MIA3: variants seen among roughly 807,000 people sequenced by gnomAD.
MIA3 encodes the protein MIA SH3 domain ER export factor 3.
In MIA3, 90 loss-of-function variants were observed where a neutral mutation model predicts 192.4. The observed-to-expected ratio is 0.47, with a 90% CI of 0.39 to 0.56. The LOEUF (loss-of-function observed/expected upper bound fraction) is 0.56, where lower values mean the gene tolerates loss of function less well. Among genes scored for constraint, MIA3 ranks in the 20% least tolerant of loss-of-function variants. The pLI, the probability that MIA3 is intolerant of heterozygous loss-of-function variation, is 0.00. For synonymous variants in MIA3, 740 were observed against 792.8 expected, an observed-to-expected ratio of 0.93 and a Z score of 1.12; for missense variants, 2,123 against 2,269.4, an observed-to-expected ratio of 0.94 and a Z score of 1.31.
At chr1:222,621,075 C>T in intron 1 of MIA3, 84 bp from the exon 2 acceptor site, 1 of 1,200,624 alleles carries the variant, frequency 8.3e-7, no homozygotes, top group Non-Finnish European at 1.1e-6. Context: ...TAGTGGGATT[C>T]TTATATTTCC....
Position 222,628,363 on chromosome 1 carries a change from A to G in MIA3, c.1143A>G (p.Thr381=). Reference sequence around the variant, plus strand: ...AAAATGATGATAAAAATATACTAACAACCTGGGGGGACACTATCTTCTCTA... The same window carrying G: ...AAAATGATGATAAAAATATACTAACGACCTGGGGGGACACTATCTTCTCTA... ...GIKNDDKNIL[T]TWGDTIFSIV... Residue 381 remains threonine, a synonymous_variant, in exon 4 of 28, where the codon ACA becomes ACG. Transcript: ENST00000344922. The G allele has an allele frequency of 6.2e-7, 1 of 1,613,960 alleles. No individual in the cohort carries two copies.
chr1:222,640,137 G>GTGT (rs1267086216), intron 6 of MIA3, among the ~76,000 whole-genome samples: 3 of 152,136 alleles, frequency 2.0e-5, no homozygotes, highest in Non-Finnish European at 4.4e-5. Flanking sequence ...GGCAAAAAGT[G>GTGT]TGTAAGACAT....
intron 14 of MIA3, 37 bp from the exon 15 acceptor site, chr1:222,653,191 T>G (rs766724205): frequency 6.3e-7 from 1 of 1,595,962 alleles, no homozygotes; most frequent in Non-Finnish European, 8.6e-7. Flanking sequence ...TTGAATTAAA[T>G]GGAAAGACTC....
chr1:222,661,806 A>C (rs1664027831), intron 24 of MIA3, among the ~76,000 whole-genome samples: 1 of 152,218 alleles, frequency 6.6e-6, no homozygotes, highest in Non-Finnish European at 1.5e-5. Flanking sequence ...AATACTGTAC[A>C]TGTAAGTCTG....
At chr1:222,665,223 G>T (rs1664220715) in intron 27 of MIA3, 86 bp from the exon 28 acceptor site, 20 of 716,456 alleles carry the variant, frequency 2.8e-5, no homozygotes, top group African/African-American at 3.9e-5. Context: ...AAAAAAAAAG[G>T]ATGACAGACT....
intron 15 of MIA3, among the ~76,000 whole-genome samples, chr1:222,653,937 TGGA>T (rs1663572179): frequency 6.6e-6 from 1 of 152,196 alleles, no homozygotes; most frequent in Non-Finnish European, 1.5e-5. Context: ...TAGTAGATTC[TGGA>T]GGAGAATAGG....
At chr1:222,641,617 A>G (rs1233024903) in intron 6 of MIA3, 4 of 529,522 alleles carry the variant, frequency 7.6e-6, no homozygotes, top group African/African-American at 3.8e-5. Flanking sequence ...TCCTACATCA[A>G]TGAGCACATG....
In MIA3 at chr1:222,664,122, G is replaced by T; in HGVS notation, c.5387G>T (p.Gly1796Val). Residue 1796 changes from glycine to valine, a missense_variant, in exon 27 of 28, where the codon GGG becomes GTG. By Grantham distance (109) the Gly-to-Val change is moderately radical. This residue lies in a region of MIA3 where 762 missense variants were observed against 856.4 expected (regional missense o/e 0.89). Transcript: ENST00000344922. ...GPPPQLCGPF[G>V]PRPLPPPFGP... ...CCACCTCAGCTCTGCGGACCTTTTG[G>T]GCCTCGGCCACTTCCTCCACCCTTT... 1 of 1,614,074 alleles carries T rather than the reference G, an allele frequency of 6.2e-7. No individual in the cohort carries two copies. Among genetic ancestry groups the T allele is most frequent in the Admixed American group, 1.7e-5 (1 of 60,008 alleles).
At chr1:222,646,668 C>T (rs1244987450) in intron 7 of MIA3, among the ~76,000 whole-genome samples, 1 of 151,658 alleles carries the variant, frequency 6.6e-6, no homozygotes, top group Non-Finnish European at 1.5e-5. Context: ...AGGAGAATCG[C>T]TTGAACTGGG....
chr1:222,645,492 C>A, intron 6 of MIA3, 62 bp from the exon 7 acceptor site: 1 of 1,460,998 alleles, frequency 6.8e-7, no homozygotes. Context: ...GTCTTTGTGA[C>A]TGCTTTATGG....
chr1:222,644,622 G>A (rs921748147), intron 6 of MIA3: 1 of 1,549,910 alleles, frequency 6.5e-7, no homozygotes, highest in South Asian at 1.2e-5. Flanking sequence ...GACCCAAGCT[G>A]TCACAGGCGG....
In MIA3 at chr1:222,645,674, A is replaced by C; in HGVS notation, c.3598A>C (p.Thr1200Pro). 1.2e-6 allele frequency: 2 copies of C among 1,613,878 alleles called. No individual in the cohort carries two copies. Among genetic ancestry groups the C allele is most frequent in the Non-Finnish European group, 1.7e-6 (2 of 1,179,886 alleles). The stretch of plus-strand genomic sequence containing the variant: ...TTCGTTTGCCATTTTCTTATGGAGA[A>C]CTGTCCTTGTTGTGAGTAAATTAAT... Reference protein sequence around the residue: ...IASFAIFLWRTVLVVKDRVYQ... With the variant: ...IASFAIFLWRPVLVVKDRVYQ... Residue 1200 changes from threonine to proline, a missense_variant, in exon 7 of 28, where the codon ACT (threonine) becomes CCT (proline). Around this residue, in one of 3 missense-constraint regions of MIA3, gnomAD observed 762 missense variants for 856.4 expected, o/e 0.89. Coordinates refer to ENST00000344922, the MANE Select transcript of MIA3 (RefSeq NM_198551.4).
rs907159535 is a variant in MIA3 at position 222,634,531 on chromosome 1, A to G, written c.3477+1282A>G. Among the ~76,000 whole-genome samples, 15 of 152,312 alleles carry G rather than the reference A, an allele frequency of 9.8e-5. No individual in the cohort carries two copies. The East Asian group carries it at 1.9e-3, about 20-fold the overall frequency. Reference sequence around the variant, plus strand: ...GCAGAATATTTATTCAGATCTTTCTAAAGGGAGCCATGCTCCAAATGAGAC... The same window carrying G: ...GCAGAATATTTATTCAGATCTTTCTGAAGGGAGCCATGCTCCAAATGAGAC... On this transcript the variant is annotated intron_variant, in intron 6 of 27. Coordinates refer to ENST00000344922, the MANE Select transcript of MIA3 (RefSeq NM_198551.4).
chr1:222,640,479 G>A (rs1662804316), intron 6 of MIA3, among the ~76,000 whole-genome samples: 2 of 152,246 alleles, frequency 1.3e-5, no homozygotes, highest in South Asian at 4.2e-4. Context: ...TATGACAGTG[G>A]ACTTCTGACA....
At position 222,664,232 on chromosome 1, in the gene MIA3, C is replaced by CG. The variant is rs1028622035; in HGVS notation, c.5413+88dup. ...TCCCTTGCTAAAACAACTGCAATTG[C>CG]GGGGCTTTGCAATGCAGCAGTGAAG... On this transcript the variant is annotated intron_variant, in intron 27 of 27. Coordinates refer to ENST00000344922, the MANE Select transcript of MIA3 (RefSeq NM_198551.4). 46 of 1,450,690 alleles carry CG rather than the reference C, an allele frequency of 3.2e-5. No individual in the cohort carries two copies. The African/African-American group carries it at 5.6e-4, about 18-fold the overall frequency. The allele number at this position is 1,450,690 out of a possible 1,614,324, so 89.9% of individuals were successfully genotyped here.
At chr1:222,637,870 C>T (rs907704149) in intron 6 of MIA3, among the ~76,000 whole-genome samples, 11 of 151,548 alleles carry the variant, frequency 7.3e-5, no homozygotes, top group African/African-American at 1.5e-4. Flanking sequence ...TTTGTAGAGA[C>T]GGGGTTTTGC....
chr1:222,666,930 G>C lies in MIA3; in HGVS notation c.*1311G>C, dbSNP rs1441860305. ...ATAGCACTCCTTTTAAGGAGTTTCA[G>C]ATCCACACTAAAACTAAAATCATAA... On this transcript the variant is annotated 3_prime_UTR_variant, in exon 28 of 28. Coordinates refer to ENST00000344922, the MANE Select transcript of MIA3 (RefSeq NM_198551.4). The C allele has an allele frequency of 1.3e-5, 2 of 152,144 alleles. No homozygotes were observed. Among genetic ancestry groups the C allele is most frequent in the African/African-American group, 4.8e-5 (2 of 41,434 alleles). The allele number at this position is 152,144 out of a possible 1,614,324, so 9.4% of individuals were successfully genotyped here.
chr1:222,665,654 T>C lies in MIA3; in HGVS notation c.*35T>C, dbSNP rs1298783223. ...CTCTGAGGTTTCATTGGAAAGAAAG[T>C]GTACTGTGCATTATCCATTACAGTA... On this transcript the variant is annotated 3_prime_UTR_variant, in exon 28 of 28. Transcript: ENST00000344922. 1 of 1,501,466 alleles carries C rather than the reference T, an allele frequency of 6.7e-7. No homozygotes were observed. Among genetic ancestry groups the C allele is most frequent in the South Asian group, 1.3e-5 (1 of 77,012 alleles). 93.0% of individuals were successfully genotyped at this position (1,501,466 alleles called of 1,614,324 possible).
At chr1:222,653,468 G>A in intron 15 of MIA3, 129 bp downstream of exon 15, 1 of 648,252 alleles carries the variant, frequency 1.5e-6, no homozygotes, top group South Asian at 1.9e-5. Context: ...TTGAATGTGT[G>A]TCTGTTTGCA....
Sources: allele counts gnomAD v4.1 joint callset (sites outside exome capture counted in the v4.1 genomes callset), GRCh38; gene constraint gnomAD v4.1.1; regional missense constraint gnomAD v4.1.1; transcripts MANE v1.5; gene names NCBI Gene and HGNC (gene_info 2026-07-23, HGNC 2026-07-21).